Variants in HR observed in about 807,000 individuals in gnomAD.
HR encodes lysine-specific demethylase hairless.
HR carries 83 observed loss-of-function variants against 128.6 expected under a neutral mutation model. That is an observed-to-expected ratio of 0.65 (90% CI 0.54 to 0.77). HR has a LOEUF of 0.77. HR is among the 30% of genes least tolerant of loss of function. The probability of loss-of-function intolerance (pLI) is 0.00; values close to 1 mark genes in which losing one functional copy is unlikely to be tolerated. For missense variants in HR, 1,490 were observed against 1,574.6 expected, an observed-to-expected ratio of 0.95 and a Z score of 0.91; for synonymous variants, 681 against 658.2, an observed-to-expected ratio of 1.03 and a Z score of -0.53.
At chr8:22,123,589 G>T (rs1826807628) in intron 6 of HR, 60 bp downstream of exon 6, 2 of 1,475,118 alleles carry the variant, frequency 1.4e-6, no homozygotes, top group Non-Finnish European at 1.8e-6. Context: ...ATGACCACAG[G>T]CTTGCAGCAG....
At chr8:22,129,305 G>A (rs761994762) in intron 1 of HR, 95 bp from the exon 2 acceptor site, 61 of 1,110,774 alleles carry the variant, frequency 5.5e-5, no homozygotes, top group Non-Finnish European at 7.2e-5. Context: ...GCAACACTGA[G>A]GCAGCTCAAA....
rs982592836 is a variant in HR at position 22,119,887 on chromosome 8, C to T, written c.2850G>A (p.Val950=). Residue 950 remains valine, a synonymous_variant, in exon 14 of 19, where the codon GTG becomes GTA. Coordinates refer to ENST00000381418, the MANE Select transcript of HR (RefSeq NM_005144.5). ...GTGGCAGACTGGCAGCTAGGTTCTC[C>T]ACCCTGTCAGGGTAGGGGGTCATGC... ...RALGDEDTSR[V]ENLAASLPLP... is the part of the protein sequence containing the mutation. 2 of 1,613,480 alleles carry T rather than the reference C, an allele frequency of 1.2e-6. No individual in the cohort carries two copies. The highest frequency in any genetic ancestry group is 3.3e-5 in the Admixed American group (2 of 60,024).
At chr8:22,118,861 G>A (rs1826657935) in intron 16 of HR, 89 bp downstream of exon 16, 6 of 1,129,864 alleles carry the variant, frequency 5.3e-6, no homozygotes, top group Admixed American at 1.7e-5. Context: ...GGCAGGGAGC[G>A]AGCACATGGG....
At chr8:22,119,658 C>T (rs556996834) in intron 14 of HR, 102 bp downstream of exon 14, 41 of 1,355,116 alleles carry the variant, frequency 3.0e-5, no homozygotes, top group South Asian at 2.0e-4. Flanking sequence ...ATCAGAGAAG[C>T]GCTTCAGGCC....
chr8:22,129,385 G>A (rs1175526203), intron 1 of HR, among the ~76,000 whole-genome samples, 175 bp from the exon 2 acceptor site: 1 of 152,248 alleles, frequency 6.6e-6, no homozygotes, highest in Non-Finnish European at 1.5e-5. Flanking sequence ...GACACATCTT[G>A]CTCCTCCAGT....
Position 22,127,377 on chromosome 8 carries a change from G to A in HR, c.1065C>T (p.Ala355=), listed in dbSNP as rs1826924086. 5 of 1,613,372 alleles carry A rather than the reference G, an allele frequency of 3.1e-6. No individual in the cohort carries two copies. The African/African-American group carries it at 5.3e-5, about 17-fold the overall frequency. Residue 355 remains alanine, a synonymous_variant, in exon 3 of 19, where the codon GCC becomes GCT. Transcript: ENST00000381418. ...TGTTCACTTCCTCGCTGGGTTCGCTGGCTCCACTGGCACCCCCCTCCAGGC... is the reference window on the plus strand; with the variant it reads ...TGTTCACTTCCTCGCTGGGTTCGCTAGCTCCACTGGCACCCCCCTCCAGGC... ...QEGLEGGASG[A]SEPSEEVNKA...
At position 22,115,322 on chromosome 8, in the gene HR, G is replaced by A. The variant is rs939453260; in HGVS notation, c.*378C>T. On this transcript the variant is annotated 3_prime_UTR_variant, in exon 19 of 19. Transcript: ENST00000381418. ...TGGGGCAGTAGAGTGGGCTCAGCGG[G>A]AGTGAGCAGCAGGAGGAGGTGTTGT... 3.5e-5 allele frequency: 13 copies of A among 375,876 alleles called. No homozygotes were observed. The highest frequency in any genetic ancestry group is 6.6e-5 in the Non-Finnish European group (13 of 197,616). 23.3% of individuals were successfully genotyped at this position (375,876 alleles called of 1,614,324 possible).
At chr8:22,129,832 A>C (rs540535051) in intron 1 of HR, among the ~76,000 whole-genome samples, 6 of 152,280 alleles carry the variant, frequency 3.9e-5, no homozygotes, top group Middle Eastern at 3.4e-3. Flanking sequence ...GGCGGCCCTG[A>C]GTCAGCCTCT....
chr8:22,127,722 G>A lies in HR; in HGVS notation c.720C>T (p.Ala240=), dbSNP rs756869454. The A allele has an allele frequency of 2.5e-6, 4 of 1,606,298 alleles. No individual in the cohort carries two copies. Among genetic ancestry groups the A allele is most frequent in the Middle Eastern group, 1.7e-4 (1 of 6,060 alleles). The change falls in exon 3 of 19, where the codon GCC becomes GCT. Residue 240 remains alanine, a synonymous_variant. Coordinates refer to ENST00000381418, the MANE Select transcript of HR (RefSeq NM_005144.5). ...GCAGTGAAGGGCGTTCGGCCTCCCC[G>A]GCTCTCTGCAGGTGCCCACCAGAGT... ...GLNSGGHLQR[A]GEAERPSLHQ...
At chr8:22,121,370 T>TGG in intron 9 of HR, 142 bp from the exon 10 acceptor site, 1 of 1,159,886 alleles carries the variant, frequency 8.6e-7, no homozygotes, top group Non-Finnish European at 1.2e-6. Flanking sequence ...AGCTCTGCTC[T>TGG]GGGTCTCCCC....
At chr8:22,119,651 A>C in intron 14 of HR, 109 bp downstream of exon 14, 2 of 1,281,780 alleles carry the variant, frequency 1.6e-6, no homozygotes, top group Non-Finnish European at 2.1e-6. Context: ...AAATGGAATC[A>C]GAGAAGCGCT....
rs1055743626 is a variant in HR at position 22,120,727 on chromosome 8, T to G, written c.2599A>C (p.Arg867=). ...GAGGGGTGCCTCACCTGGCCCTGCC[T>G]CCAGTGCTCCTGGAAGAGGTGGAAG... ...RGFHLFQEHW[R]QGQPVLVSGI... is the part of the protein sequence containing the mutation. The change falls in exon 11 of 19, where the codon AGG becomes CGG. Residue 867 remains arginine, a synonymous_variant. Transcript: ENST00000381418. 1 of 1,503,130 alleles carries G rather than the reference T, an allele frequency of 6.7e-7. No individual in the cohort carries two copies. The highest frequency in any genetic ancestry group is 1.4e-5 in the African/African-American group (1 of 72,092). 93.1% of individuals were successfully genotyped at this position (1,503,130 alleles called of 1,614,324 possible). A position where few individuals can be genotyped will look rare whatever the true frequency, so the allele number is the denominator to read the frequency against.
At position 22,127,031 on chromosome 8, in the gene HR, C is replaced by T. The variant is rs1252197988; in HGVS notation, c.1405+6G>A. 2 of 1,611,214 alleles carry T rather than the reference C, an allele frequency of 1.2e-6. No homozygotes were observed. The highest frequency in any genetic ancestry group is 2.7e-5 in the African/African-American group (2 of 74,836). On this transcript the variant is annotated splice_donor_region_variant and intron_variant, in intron 3 of 18. Transcript: ENST00000381418. The stretch of plus-strand genomic sequence containing the variant: ...CAGGGCCTGCAGCCCCTCCTGGCCC[C>T]CTTACCTTTCTGCTCATCATGCTGT...
rs774329316 is a variant in HR at position 22,129,029 on chromosome 8, G to A, written c.142C>T (p.Pro48Ser). 3.7e-6 allele frequency: 6 copies of A among 1,608,176 alleles called. No individual in the cohort carries two copies. Among genetic ancestry groups the A allele is most frequent in the East Asian group, 2.2e-5 (1 of 44,794 alleles). Reference protein sequence around the residue: ...HGPLCLGEPAPFWRGVLSTPD... With the variant: ...HGPLCLGEPASFWRGVLSTPD... ...GTGCTCAGGACGCCCCTCCAAAAGG[G>A]AGCAGGCTCTCCCAGGCACAGCGGC... is the stretch of plus-strand genomic sequence containing the variant. The change falls in exon 2 of 19, where the codon CCC becomes TCC. Residue 48 changes from proline to serine, a missense_variant. Pro to Ser is a moderately conservative substitution (Grantham distance 74, BLOSUM62 -1). Around this residue, in one of 3 missense-constraint regions of HR, gnomAD observed 1,060 missense variants for 1,060.9 expected, o/e 1.00. Coordinates refer to ENST00000381418, the MANE Select transcript of HR (RefSeq NM_005144.5).
At position 22,123,645 on chromosome 8, in the gene HR, C is replaced by CCCCCCCCCCCTTTT. The variant is rs1586379153; in HGVS notation, c.1915+3_1915+4insAAAAGGGGGGGGGG. 1.3e-6 allele frequency: 2 copies of CCCCCCCCCCCTTTT among 1,528,782 alleles called. No individual in the cohort carries two copies. Among genetic ancestry groups the CCCCCCCCCCCTTTT allele is most frequent in the South Asian group, 1.2e-5 (1 of 83,736 alleles). The allele number at this position is 1,528,782 out of a possible 1,614,324, so 94.7% of individuals were successfully genotyped here. A position where few individuals can be genotyped will look rare whatever the true frequency, so the allele number is the denominator to read the frequency against. On this transcript the variant is annotated splice_donor_region_variant and intron_variant, in intron 6 of 18. Transcript: ENST00000381418. ...CGCCCTCCCACCCCCAGCCCCTCTC[C>CCCCCCCCCCCTTTT]TACCTGCTTTCTCCCTGGCCCGCCC...
chr8:22,121,731 G>A (rs1826761026), intron 8 of HR, 37 bp from the exon 9 acceptor site: 1 of 1,595,044 alleles, frequency 6.3e-7, no homozygotes. Flanking sequence ...AATCCAACCA[G>A]AGATTTTAAA....
At chr8:22,123,617 T>TTTGCCCCCC in intron 6 of HR, 32 bp downstream of exon 6, 1 of 292,092 alleles carries the variant, frequency 3.4e-6, no homozygotes, top group Non-Finnish European at 6.2e-6. Context: ...GAGGGCTCCA[T>TTTGCCCCCC]CCCGCCCTCC....
At position 22,116,956 on chromosome 8, in the gene HR, C is replaced by A; in HGVS notation, c.3297G>T (p.Arg1099=). The A allele has an allele frequency of 6.5e-7, 1 of 1,539,496 alleles. No individual in the cohort carries two copies. ...YLDAGLRRRL[R]EEWGVSCWTL... Reference sequence around the variant, plus strand: ...TCCAGCAGCTCACGCCCCACTCCTCCCGCAGGCGCCGCCGCAGCCCTGCAT... The same window carrying A: ...TCCAGCAGCTCACGCCCCACTCCTCACGCAGGCGCCGCCGCAGCCCTGCAT... The change falls in exon 17 of 19, where the codon CGG becomes CGT. Residue 1099 remains arginine (R), a synonymous_variant. Coordinates refer to ENST00000381418, the MANE Select transcript of HR (RefSeq NM_005144.5). The surrounding 1 kb of genome is among the most constrained non-coding windows in gnomAD (Gnocchi z 4.2).
rs979484314 is a variant in HR at position 22,116,775 on chromosome 8, G to A, written c.3378+100C>T. ...CAGCGTGCGGCTCCCTGCCCTGCCC[G>A]GCTCTTGGGTATTGAGGGGATGTTG... On this transcript the variant is annotated intron_variant, in intron 17 of 18. Coordinates refer to ENST00000381418, the MANE Select transcript of HR (RefSeq NM_005144.5). This position sits in a 1 kb window ranked among gnomAD's most constrained non-coding sequence, Gnocchi z 4.2. 16 of 1,461,826 alleles carry A rather than the reference G, an allele frequency of 1.1e-5. No homozygotes were observed. Among genetic ancestry groups the A allele is most frequent in the Admixed American group, 3.9e-5 (2 of 50,878 alleles). The allele number at this position is 1,461,826 out of a possible 1,614,324, so 90.6% of individuals were successfully genotyped here.
Sources: gnomAD v4.1 joint callset for allele counts (sites outside exome capture counted in the v4.1 genomes callset) on GRCh38, gnomAD v4.1.1 for gene constraint, gnomAD v4.1.1 regional missense constraint, Gnocchi (gnomAD v3.1) non-coding constraint, MANE v1.5 for transcripts, NCBI Gene and HGNC (gene_info 2026-07-23, HGNC 2026-07-21) for gene names.